Variants in FAAP20 observed in about 807,000 individuals in gnomAD.
FAAP20 encodes the protein FA core complex associated protein 20, also known as Fanconi anemia core complex-associated protein 20.
In FAAP20, 12 loss-of-function variants were observed where a neutral mutation model predicts 16.2. That is an observed-to-expected ratio of 0.74 (90% CI 0.48 to 1.20). The LOEUF (loss-of-function observed/expected upper bound fraction) is 1.20, where lower values mean the gene tolerates loss of function less well. Ranked by LOEUF, FAAP20 falls within the 50% of genes most tolerant of loss-of-function variation. The pLI is 0.00. For synonymous variants in FAAP20, 141 were observed against 110.7 expected (o/e 1.27, Z -1.72); for missense variants, 288 against 245.8 (o/e 1.17, Z -1.15).
At chr1:2,199,391 CCCCAGCCCAG>C (rs909082705), upstream of FAAP20, 92 of 1,024,632 alleles carry the variant, frequency 9.0e-5, no homozygotes, top group Non-Finnish European at 1.0e-4. The surrounding 1 kb of genome is among the most constrained non-coding windows in gnomAD (Gnocchi z 4.5). Context: ...GGAGAAGCTT[CCCCAGCCCAG>C]CCCAGCCCAG....
chr1:2,192,872 T>A lies in FAAP20; in HGVS notation c.470+767A>T, dbSNP rs769285784. ...GCCTCAGCCTCTCAAAGGGCTGGGA[T>A]TACAGGCGTGAGCCACCGTGCCCGG... On this transcript the variant is annotated intron_variant, in intron 3 of 3. Transcript: ENST00000378546. The A allele has an allele frequency of 9.3e-6, 12 of 1,295,146 alleles. No individual in the cohort carries two copies. The Middle Eastern group carries it at 9.4e-4, about 101-fold the overall frequency. 80.2% of individuals were successfully genotyped at this position (1,295,146 alleles called of 1,614,324 possible).
At chr1:2,193,181 C>T (rs1312425262) in intron 3 of FAAP20, 2 of 343,946 alleles carry the variant, frequency 5.8e-6, no homozygotes, top group African/African-American at 4.3e-5. Context: ...GTTAGCAAAA[C>T]TGGGTTCCAT....
intron 3 of FAAP20, chr1:2,192,527 T>G (rs749416046): frequency 6.7e-5 from 67 of 1,004,020 alleles, no homozygotes; most frequent in Non-Finnish European, 7.7e-5. Flanking sequence ...CAAAAGCCCC[T>G]CCCCGGGGGG....
chr1:2,184,827 C>A, downstream of FAAP20: 5 of 1,375,268 alleles, frequency 3.6e-6, no homozygotes, highest in South Asian at 2.5e-5. Flanking sequence ...CTCCAGTGGG[C>A]GTTGGGGGAG....
At chr1:2,209,149 G>C (rs561480165), downstream of FAAP20, among the ~76,000 whole-genome samples, 2 of 150,890 alleles carry the variant, frequency 1.3e-5, no homozygotes, top group Admixed American at 1.3e-4. Flanking sequence ...CCCCTCCCTC[G>C]CGTCCTCTCT....
chr1:2,184,526 A>C, downstream of FAAP20: 2 of 1,336,334 alleles, frequency 1.5e-6, no homozygotes, highest in Middle Eastern at 1.8e-4. Context: ...CAAAACACTC[A>C]ATCTGGTAGG....
Position 2,194,738 on chromosome 1 carries a change from C to G in FAAP20, c.12G>C (p.Ala4=). ...GGCTCAACCCCAGCCGCGGCCTCCG[C>G]GCCGCCTCCATCCAAGCCCGCGCCG... MEA[A]RRPRLGLSRR... is the part of the protein sequence containing the mutation. Residue 4 remains alanine, a synonymous_variant, in exon 1 of 4, where the codon GCG becomes GCC. Transcript: ENST00000378546. The G allele has an allele frequency of 8.4e-7, 1 of 1,196,282 alleles. No homozygotes were observed. Among genetic ancestry groups the G allele is most frequent in the African/African-American group, 1.6e-5 (1 of 62,320 alleles). The allele number at this position is 1,196,282 out of a possible 1,614,324, so 74.1% of individuals were successfully genotyped here. A position where few individuals can be genotyped will look rare whatever the true frequency, so the allele number is the denominator to read the frequency against.
At chr1:2,204,833 C>T (rs1341631980), upstream of FAAP20, among the ~76,000 whole-genome samples, 1 of 152,054 alleles carries the variant, frequency 6.6e-6, no homozygotes, top group African/African-American at 2.4e-5. Flanking sequence ...CCCGAGCTAG[C>T]TCTCCAGCCT....
chr1:2,194,682 C>T lies in FAAP20; in HGVS notation c.62+6G>A, dbSNP rs1488256023. 1.7e-6 allele frequency: 2 copies of T among 1,155,376 alleles called. No individual in the cohort carries two copies. The highest frequency in any genetic ancestry group is 2.1e-6 in the Non-Finnish European group (2 of 940,726). The allele number at this position is 1,155,376 out of a possible 1,614,324, so 71.6% of individuals were successfully genotyped here. On this transcript the variant is annotated splice_donor_region_variant and intron_variant, in intron 1 of 3. Coordinates refer to ENST00000378546, the MANE Select transcript of FAAP20 (RefSeq NM_182533.4). ...GGCCGCGCCCCCGCCCGGCTCCCGG[C>T]CTCACCCGCCCGCCGGGCGCGGCCT...
chr1:2,197,858 G>T, upstream of FAAP20: 2 of 785,244 alleles, frequency 2.5e-6, no homozygotes, highest in Non-Finnish European at 3.5e-6. Context: ...GGCACGTGGC[G>T]GGTGCCTCCA....
intron 3 of FAAP20, chr1:2,190,276 G>A: frequency 2.2e-6 from 1 of 456,740 alleles, no homozygotes; most frequent in South Asian, 1.5e-5. Flanking sequence ...TCACCACGGA[G>A]AAGGACGCCG....
At chr1:2,189,974 C>T (rs1687996575) in intron 3 of FAAP20, 193 bp from the exon 4 acceptor site, 1 of 631,376 alleles carries the variant, frequency 1.6e-6, no homozygotes, top group East Asian at 2.8e-5. Flanking sequence ...GTTTCCACAC[C>T]GTGCCCGTGA....
At chr1:2,205,878 C>A (rs1165597414) in intron 3 of FAAP20, among the ~76,000 whole-genome samples, 1 of 152,256 alleles carries the variant, frequency 6.6e-6, no homozygotes, top group African/African-American at 2.4e-5. Flanking sequence ...CGCCCCCTAC[C>A]CGGGCCCCGG....
At chr1:2,187,092 C>T (rs116288445), downstream of FAAP20, 415 of 444,870 alleles carry the variant, frequency 9.3e-4, 1 homozygote, top group African/African-American at 7.7e-3. Flanking sequence ...AGTGGGCCTG[C>T]GTGGGCGTGG....
In FAAP20 at chr1:2,193,696, A is replaced by G. The variant is rs138531306; in HGVS notation, c.413T>C (p.Val138Ala). 9 of 1,596,910 alleles carry G rather than the reference A, an allele frequency of 5.6e-6. No homozygotes were observed. Among genetic ancestry groups the G allele is most frequent in the African/African-American group, 1.4e-5 (1 of 73,768 alleles). Residue 138 changes from valine to alanine, a missense_variant, in exon 3 of 4, where the codon GTG (valine) becomes GCG (alanine). Val to Ala is a moderately conservative substitution (Grantham distance 64). Coordinates refer to ENST00000378546, the MANE Select transcript of FAAP20 (RefSeq NM_182533.4). ...GCTGCGCAGGGCCGCGGCACCCTCC[A>G]CAGACGGCTGCTGCTCCACCCTGGG... ...RAPRVEQQPS[V>A]EGAAALRSCP...
chr1:2,212,454 G>C (rs943138805), exon 2 of FAAP20: 1 of 155,848 alleles, frequency 6.4e-6, no homozygotes, highest in African/African-American at 2.4e-5. Flanking sequence ...ACAGGCCTTG[G>C]ATCTCTGGTT....
At chr1:2,185,722 C>CA (rs1469747277), downstream of FAAP20, among the ~76,000 whole-genome samples, 2 of 152,004 alleles carry the variant, frequency 1.3e-5, no homozygotes, top group African/African-American at 2.4e-5. Flanking sequence ...CACAGTAGAC[C>CA]AAAAAAGAGA....
upstream of FAAP20, chr1:2,201,100 C>T (rs1238090373): frequency 1.6e-5 from 21 of 1,288,668 alleles, no homozygotes; most frequent in Non-Finnish European, 2.0e-5. Flanking sequence ...TTGGTGCATC[C>T]CCTGTGCAGC....
At chr1:2,189,011 G>GA (rs71578368), downstream of FAAP20, among the ~76,000 whole-genome samples, 47,341 of 105,742 alleles carry the variant, frequency 0.45, 9,143 homozygotes, top group East Asian at 0.65. Context: ...TCTCAAAAAA[G>GA]AAAAAAAAAA....
Sources: gnomAD v4.1 joint callset for allele counts (sites outside exome capture counted in the v4.1 genomes callset) on GRCh38, gnomAD v4.1.1 for gene constraint, Gnocchi (gnomAD v3.1) non-coding constraint, MANE v1.5 for transcripts, NCBI Gene and HGNC (gene_info 2026-07-23, HGNC 2026-07-21) for gene names.